The following PROK2 variants were observed in gnomAD, a reference collection of about 807,000 sequenced individuals.
The protein encoded by PROK2 is prokineticin-2.
In PROK2, 8 loss-of-function variants were observed where a neutral mutation model predicts 14.2. The observed-to-expected ratio is 0.56, with a 90% CI of 0.33 to 1.02. The LOEUF (loss-of-function observed/expected upper bound fraction) is 1.02. PROK2 is among the 50% of genes least tolerant of loss of function. The pLI is 0.03. For synonymous variants in PROK2, 59 were observed against 60.7 expected (o/e 0.97, Z 0.13); for missense variants, 154 against 160.4 (o/e 0.96, Z 0.22).
chr3:71,782,333 T>A (rs2108197602), intron 1 of PROK2, among the ~76,000 whole-genome samples: 1 of 152,340 alleles, frequency 6.6e-6, no homozygotes, highest in East Asian at 1.9e-4. Context: ...CTAACAATCC[T>A]GTAAGATCCA....
intron 1 of PROK2, among the ~76,000 whole-genome samples, chr3:71,781,869 GCTCT>G (rs1037972988): frequency 6.6e-6 from 1 of 151,986 alleles, no homozygotes; most frequent in Non-Finnish European, 1.5e-5. Context: ...AATGAAATCA[GCTCT>G]CTTTTTCCAG....
rs552496938 is a variant in PROK2, at chr3:71,785,056, G to T, written c.-4C>A. The T allele has an allele frequency of 1.3e-4, 166 of 1,237,522 alleles. No homozygotes were observed. The African/African-American group carries it at 2.4e-3, about 18-fold the overall frequency. 76.7% of individuals were successfully genotyped at this position (1,237,522 alleles called of 1,614,324 possible). On this transcript the variant is annotated 5_prime_UTR_variant, in exon 1 of 4. Coordinates refer to ENST00000295619, the MANE Select transcript of PROK2 (RefSeq NM_001126128.2). ...GGGCGCAGCACAGGCTCCTCATGGC[G>T]CCCTCGGGACTGGGCGGCCGCCGGA...
chr3:71,776,779 C>T (rs973719488), intron 2 of PROK2, among the ~76,000 whole-genome samples: 2 of 152,176 alleles, frequency 1.3e-5, no homozygotes. Context: ...ACAAAGCTAA[C>T]AGGCGTCTCA....
chr3:71,777,794 T>C (rs541545491), intron 2 of PROK2, among the ~76,000 whole-genome samples: 34 of 151,934 alleles, frequency 2.2e-4, no homozygotes, highest in African/African-American at 8.2e-4. Flanking sequence ...ATGGCTAATC[T>C]TCTATGTAAA....
At chr3:71,783,800 T>C (rs1262737426) in intron 1 of PROK2, among the ~76,000 whole-genome samples, 1 of 152,192 alleles carries the variant, frequency 6.6e-6, no homozygotes, top group Non-Finnish European at 1.5e-5. Flanking sequence ...CAAGTAATTT[T>C]TTGAAAAAAT....
At chr3:71,774,100 A>T (rs938464334) in intron 3 of PROK2, among the ~76,000 whole-genome samples, 2 of 152,184 alleles carry the variant, frequency 1.3e-5, no homozygotes, top group African/African-American at 2.4e-5. Flanking sequence ...GAGTTTAAGC[A>T]TGGCAGAGGA....
Position 71,772,560 on chromosome 3 carries a change from A to AT in PROK2, c.*163_*164insA. The AT allele has an allele frequency of 8.5e-6, 1 of 118,072 alleles. No individual in the cohort carries two copies. The allele number at this position is 118,072 out of a possible 1,614,324, so 7.3% of individuals were successfully genotyped here. On this transcript the variant is annotated 3_prime_UTR_variant, in exon 4 of 4. Coordinates refer to ENST00000295619, the MANE Select transcript of PROK2 (RefSeq NM_001126128.2). ...TCCAAAAGTAAAATTCTCTTTCGAT[A>AT]AAAAAAAAAAAAAATCATTTACAAA... is the stretch of plus-strand genomic sequence containing the variant.
At chr3:71,773,900 G>T (rs2050099323) in intron 3 of PROK2, among the ~76,000 whole-genome samples, 1 of 152,280 alleles carries the variant, frequency 6.6e-6, no homozygotes, top group Non-Finnish European at 1.5e-5. Context: ...CTAGAATAAA[G>T]ATAGCAAATG....
chr3:71,776,121 T>TA (rs1362781401), intron 2 of PROK2, among the ~76,000 whole-genome samples: 1 of 151,954 alleles, frequency 6.6e-6, no homozygotes, highest in Non-Finnish European at 1.5e-5. Flanking sequence ...TTGTGAAACT[T>TA]AAAAAAAATC....
At chr3:71,776,363 CATTTTTTTTTTTT>C (rs1452835934) in intron 2 of PROK2, among the ~76,000 whole-genome samples, 3 of 92,070 alleles carry the variant, frequency 3.3e-5, no homozygotes, top group African/African-American at 4.5e-5. Context: ...TTTCGCTTTT[CATTTTTTTTTTTT>C]TTTTTTTTTT....
At chr3:71,775,229 T>C (rs2050109280) in intron 2 of PROK2, among the ~76,000 whole-genome samples, 1 of 152,172 alleles carries the variant, frequency 6.6e-6, no homozygotes, top group African/African-American at 2.4e-5. Flanking sequence ...AATGAGCATG[T>C]TAAACTGTTA....
At chr3:71,781,318 G>T in intron 2 of PROK2, 149 bp downstream of exon 2, 1 of 922,630 alleles carries the variant, frequency 1.1e-6, no homozygotes, top group Non-Finnish European at 1.7e-6. Flanking sequence ...AAGGGGAGAG[G>T]AGAGGGGGTA....
intron 2 of PROK2, among the ~76,000 whole-genome samples, chr3:71,781,215 T>G (rs1458040906): frequency 6.6e-6 from 1 of 152,212 alleles, no homozygotes; most frequent in Non-Finnish European, 1.5e-5. Flanking sequence ...TGTTGCAAAT[T>G]ATATTGGTAA....
intron 2 of PROK2, among the ~76,000 whole-genome samples, chr3:71,777,336 T>C (rs1471884766): frequency 6.6e-6 from 1 of 152,208 alleles, no homozygotes. Context: ...CTTCCCCATC[T>C]TTTGCTAAAT....
rs574580637 is a variant in PROK2, at chr3:71,778,974, G to A, written c.222+2493C>T. The stretch of plus-strand genomic sequence containing the variant: ...CATTATTGGATCCATGATAAAAACA[G>A]AACCAAAGAGATGTAGCCAGGCTTA... On this transcript the variant is annotated intron_variant, in intron 2 of 3. Coordinates refer to ENST00000295619, the MANE Select transcript of PROK2 (RefSeq NM_001126128.2). Among the ~76,000 whole-genome samples, 4 of 152,306 alleles carry A rather than the reference G, an allele frequency of 2.6e-5. No individual in the cohort carries two copies. In the South Asian group the frequency reaches 8.3e-4, roughly 32 times the overall value.
At chr3:71,784,589 G>A (rs2050196106) in intron 1 of PROK2, among the ~76,000 whole-genome samples, 1 of 152,190 alleles carries the variant, frequency 6.6e-6, no homozygotes, top group African/African-American at 2.4e-5. Context: ...TAAGGTTCGA[G>A]GTTGGAGAGC....
At chr3:71,779,852 T>C (rs2050147876) in intron 2 of PROK2, among the ~76,000 whole-genome samples, 1 of 152,270 alleles carries the variant, frequency 6.6e-6, no homozygotes, top group South Asian at 2.1e-4. Context: ...TCAAGCAAAC[T>C]GCCTGCCTCA....
At chr3:71,784,830 G>T in intron 1 of PROK2, 127 bp downstream of exon 1, 1 of 763,740 alleles carries the variant, frequency 1.3e-6, no homozygotes, top group Non-Finnish European at 1.8e-6. Flanking sequence ...GGCGACAGGG[G>T]CAGGTGTCCC....
chr3:71,781,845 A>T (rs1247774369), intron 1 of PROK2, among the ~76,000 whole-genome samples: 3 of 152,114 alleles, frequency 2.0e-5, no homozygotes, highest in Non-Finnish European at 4.4e-5. Context: ...AAATAAACAT[A>T]AGATTTTTTT....
Sources: allele counts gnomAD v4.1 joint callset (sites outside exome capture counted in the v4.1 genomes callset), GRCh38; gene constraint gnomAD v4.1.1; transcripts MANE v1.5; gene names NCBI Gene and HGNC (gene_info 2026-07-23, HGNC 2026-07-21).